ANO10: variants seen among roughly 807,000 people sequenced by gnomAD.
ANO10 encodes the protein anoctamin 10.
Under a neutral mutation model 74.7 loss-of-function variants are expected in ANO10, and 77 were observed. The ratio of observed to expected loss-of-function variants is 1.03; its 90% CI spans 0.86 to 1.25. The LOEUF (loss-of-function observed/expected upper bound fraction) is 1.25. Among genes scored for constraint, ANO10 ranks in the 50% most tolerant of loss-of-function variants. ANO10 has a pLI of 0.00. For synonymous variants in ANO10, 279 were observed against 284.9 expected, an observed-to-expected ratio of 0.98 and a Z score of 0.21; for missense variants, 721 against 778.1, an observed-to-expected ratio of 0.93 and a Z score of 0.87.
At chr3:43,637,169 C>CA (rs1003959246) in intron 1 of ANO10, among the ~76,000 whole-genome samples, 4 of 151,486 alleles carry the variant, frequency 2.6e-5, no homozygotes, top group Admixed American at 1.3e-4. Flanking sequence ...GACCCTGTCT[C>CA]AAAAAAACAA....
At chr3:43,407,544 G>A (rs1433578257) in intron 12 of ANO10, among the ~76,000 whole-genome samples, 1 of 152,150 alleles carries the variant, frequency 6.6e-6, no homozygotes, top group Non-Finnish European at 1.5e-5. Flanking sequence ...CACCTTCCTT[G>A]GAAGTATAGA....
At chr3:43,605,684 C>T in intron 2 of ANO10, 30 bp downstream of exon 2, 1 of 1,611,864 alleles carries the variant, frequency 6.2e-7, no homozygotes, top group South Asian at 1.1e-5. Flanking sequence ...GGAGGCCAGA[C>T]TAAGTCTGAG....
chr3:43,535,267 CTTTT>C (rs71616100), intron 11 of ANO10, among the ~76,000 whole-genome samples: 3 of 107,896 alleles, frequency 2.8e-5, no homozygotes, highest in African/African-American at 7.1e-5. Flanking sequence ...CCTAGACATT[CTTTT>C]TTTTTTTTTT....
chr3:43,686,875 A>G (rs948110127), intron 1 of ANO10, among the ~76,000 whole-genome samples: 2 of 152,152 alleles, frequency 1.3e-5, no homozygotes, highest in Non-Finnish European at 2.9e-5. Context: ...CACAGGCATA[A>G]CTAGGAGCTA....
At chr3:43,484,347 T>C (rs2076383222) in intron 11 of ANO10, among the ~76,000 whole-genome samples, 1 of 152,150 alleles carries the variant, frequency 6.6e-6, no homozygotes, top group Non-Finnish European at 1.5e-5. Context: ...AGATGGTAAA[T>C]GTCTCTTTTC....
At chr3:43,646,603 C>T (rs2083729326) in intron 1 of ANO10, among the ~76,000 whole-genome samples, 1 of 152,126 alleles carries the variant, frequency 6.6e-6, no homozygotes, top group Non-Finnish European at 1.5e-5. Context: ...GCAATCCTGA[C>T]TCACTGCAAC....
chr3:43,429,144 C>T (rs796420113), intron 12 of ANO10, among the ~76,000 whole-genome samples: 1 of 152,048 alleles, frequency 6.6e-6, no homozygotes, highest in Non-Finnish European at 1.5e-5. Context: ...ATCCATGACA[C>T]CCTCAATGGC....
At chr3:43,638,737 G>A (rs1044483945) in intron 1 of ANO10, 40 of 152,248 alleles carry the variant, frequency 2.6e-4, no homozygotes, top group African/African-American at 9.2e-4. Context: ...GCGCCATCAA[G>A]TGAAGGGGTG....
intron 12 of ANO10, among the ~76,000 whole-genome samples, chr3:43,377,442 C>T (rs746061467): frequency 7.2e-5 from 11 of 152,144 alleles, no homozygotes; most frequent in Admixed American, 2.0e-4. Flanking sequence ...AGGAAGGGTG[C>T]CAAGTCCTTC....
chr3:43,625,900 C>T (rs2083486723), upstream of ANO10, among the ~76,000 whole-genome samples: 2 of 151,204 alleles, frequency 1.3e-5, no homozygotes, highest in East Asian at 1.9e-4. Context: ...TGGGTTGCAT[C>T]GTACTTAGAA....
chr3:43,410,604 A>C (rs1408874697), intron 12 of ANO10, among the ~76,000 whole-genome samples: 1 of 152,198 alleles, frequency 6.6e-6, no homozygotes, highest in Non-Finnish European at 1.5e-5. Context: ...TTTCTTAAAC[A>C]ATAAGACATT....
intron 1 of ANO10, chr3:43,690,392 G>A (rs1316836397): frequency 6.6e-6 from 1 of 152,388 alleles, no homozygotes; most frequent in Non-Finnish European, 1.5e-5. Flanking sequence ...TATCTAGAGA[G>A]TCGAGTGGGA....
In ANO10 at chr3:43,629,204, T is replaced by TA. The variant is rs569469815; in HGVS notation, c.-11-23342dup. ...TGCTTAGGGAAAATAGAAAAGAACC[T>TA]ATGTGACTATCGGGGCAGGTTCCCC... On this transcript the variant is annotated intron_variant, in intron 1 of 3. Coordinates refer to the ANO10 transcript ENST00000413397. 2.0e-4 allele frequency among the ~76,000 whole-genome samples: 31 copies of TA among 152,300 alleles called. 2 individuals are homozygous for TA. The East Asian group carries it at 5.8e-3, about 28-fold the overall frequency.
At chr3:43,575,453 C>T (rs528384895) in intron 6 of ANO10, among the ~76,000 whole-genome samples, 21 of 152,258 alleles carry the variant, frequency 1.4e-4, no homozygotes, top group African/African-American at 4.6e-4. Flanking sequence ...ACTGCCTAAC[C>T]TTGGGTAAGT....
At chr3:43,500,384 G>A (rs1281080697) in intron 11 of ANO10, among the ~76,000 whole-genome samples, 1 of 152,046 alleles carries the variant, frequency 6.6e-6, no homozygotes, top group Non-Finnish European at 1.5e-5. Context: ...TTATCAAAAG[G>A]GGTCAATGAA....
intron 11 of ANO10, among the ~76,000 whole-genome samples, chr3:43,501,516 T>G (rs900053899): frequency 1.3e-5 from 2 of 152,124 alleles, no homozygotes; most frequent in South Asian, 2.1e-4. Flanking sequence ...CTAGAGAATC[T>G]GAAGCAGTGA....
At chr3:43,665,745 T>C (rs1185146319) in intron 1 of ANO10, among the ~76,000 whole-genome samples, 2 of 152,194 alleles carry the variant, frequency 1.3e-5, no homozygotes, top group African/African-American at 4.8e-5. Context: ...AGCTCTGACT[T>C]TGAGATCCAA....
At chr3:43,661,876 A>C (rs112190699) in intron 1 of ANO10, among the ~76,000 whole-genome samples, 16,170 of 152,256 alleles carry the variant, frequency 0.11, 1,225 homozygotes, top group South Asian at 0.23. Context: ...TATATATGCA[A>C]CCAATACAGT....
chr3:43,633,420 T>C (rs1048033240), intron 1 of ANO10, among the ~76,000 whole-genome samples: 9 of 152,190 alleles, frequency 5.9e-5, no homozygotes, highest in Non-Finnish European at 7.3e-5. Flanking sequence ...AAAGACACTA[T>C]TTGGCTCACA....
Sources: gnomAD v4.1 joint callset for allele counts (sites outside exome capture counted in the v4.1 genomes callset) on GRCh38, gnomAD v4.1.1 for gene constraint, MANE v1.5 for transcripts, NCBI Gene and HGNC (gene_info 2026-07-23, HGNC 2026-07-21) for gene names.